Variants in DLG1 observed in about 807,000 individuals in gnomAD.
DLG1 encodes discs large MAGUK scaffold protein 1.
DLG1 carries 42 observed loss-of-function variants against 123.4 expected under a neutral mutation model. The ratio of observed to expected loss-of-function variants is 0.34; its 90% CI spans 0.27 to 0.44. The LOEUF (loss-of-function observed/expected upper bound fraction) is 0.44, where lower values mean the gene tolerates loss of function less well. DLG1 is among the 20% of genes least tolerant of loss of function. The probability of loss-of-function intolerance (pLI) is 1.00; values close to 1 mark genes in which losing one functional copy is unlikely to be tolerated. For missense variants in DLG1, 942 were observed against 1,082.6 expected (o/e 0.87, Z 1.82); for synonymous variants, 317 against 356.2 (o/e 0.89, Z 1.24).
At chr3:197,214,399 C>T (rs2150429655) in intron 4 of DLG1, among the ~76,000 whole-genome samples, 1 of 152,014 alleles carries the variant, frequency 6.6e-6, no homozygotes, top group African/African-American at 2.4e-5. Flanking sequence ...ACGGTGAAAC[C>T]CCGTCTCTAC....
chr3:197,266,368 A>T (rs540815922), intron 4 of DLG1, among the ~76,000 whole-genome samples: 2 of 150,088 alleles, frequency 1.3e-5, no homozygotes, highest in South Asian at 4.6e-4. Context: ...AGAAGGATAG[A>T]GTGTGTTAAT....
Position 197,140,264 on chromosome 3 carries a change from C to T in DLG1, c.589G>A (p.Gly197Arg), listed in dbSNP as rs759277835. 3.1e-6 allele frequency: 5 copies of T among 1,611,758 alleles called. No individual in the cohort carries two copies. Among genetic ancestry groups the T allele is most frequent in the Non-Finnish European group, 3.4e-6 (4 of 1,178,906 alleles). The change falls in exon 8 of 25, where the codon GGA becomes AGA. Residue 197 changes from glycine (G) to arginine (R), a missense_variant and splice_region_variant. Gly to Arg is a moderately radical substitution (Grantham distance 125). Coordinates refer to ENST00000667157, the MANE Select transcript of DLG1 (RefSeq NM_001366207.1). ...YEYEEITLER[G>R]NSGLGFSIAG... is the part of the protein sequence containing the mutation. ...ATGCTGAAACCAAGCCCTGAATTTC[C>T]CTGAGGATAGAAGAAAAAAAATTGA...
intron 4 of DLG1, among the ~76,000 whole-genome samples, chr3:197,248,391 G>A (rs1173522901): frequency 6.6e-6 from 1 of 152,118 alleles, no homozygotes; most frequent in African/African-American, 2.4e-5. Flanking sequence ...ACCACAATGA[G>A]GCAGTGGGAC....
At chr3:197,239,488 C>T (rs972360972) in intron 4 of DLG1, among the ~76,000 whole-genome samples, 16 of 152,032 alleles carry the variant, frequency 1.1e-4, no homozygotes, top group African/African-American at 3.1e-4. Context: ...ATTAAGCCAG[C>T]GCTACCAAAT....
rs575958096 is a variant in DLG1, at chr3:197,221,704, C to T, written c.319-27115G>A. ...TACTTGACAAGTTCTAAAATTAATC[C>T]GACTTCAGTAAAAATACTGCCTGTA... is the stretch of plus-strand genomic sequence containing the variant. On this transcript the variant is annotated intron_variant, in intron 4 of 24. Transcript: ENST00000667157. Among the ~76,000 whole-genome samples the T allele has an allele frequency of 2.1e-4, 32 of 152,232 alleles. 1 individual carries two copies. The highest frequency in any genetic ancestry group is 1.4e-3 in the Admixed American group (21 of 15,288).
intron 5 of DLG1, chr3:197,161,630 TA>T: frequency 7.1e-7 from 1 of 1,402,864 alleles, no homozygotes; most frequent in Non-Finnish European, 9.4e-7. Context: ...AAAAAGAAAC[TA>T]ATAAAAACCT....
In DLG1 at chr3:197,191,562, G is replaced by A. The variant is rs371325943; in HGVS notation, c.483+2863C>T. On this transcript the variant is annotated intron_variant, in intron 5 of 24. Coordinates refer to ENST00000667157, the MANE Select transcript of DLG1 (RefSeq NM_001366207.1). ...TTGGTTTGTAACAATAAGGATGACCGGAAATTCAAAACATCAGAAATAAAA... is the reference window on the plus strand; with the variant it reads ...TTGGTTTGTAACAATAAGGATGACCAGAAATTCAAAACATCAGAAATAAAA... Among the ~76,000 whole-genome samples the A allele has an allele frequency of 3.9e-4, 59 of 152,160 alleles. No individual in the cohort carries two copies. The South Asian group carries it at 0.012, about 30-fold the overall frequency.
chr3:197,142,176 C>T (rs1234962677), intron 7 of DLG1, among the ~76,000 whole-genome samples: 1 of 152,098 alleles, frequency 6.6e-6, no homozygotes, highest in Non-Finnish European at 1.5e-5. Context: ...TAGTATACTA[C>T]TTACTTAATA....
At chr3:197,172,104 A>T (rs1035183693) in intron 5 of DLG1, among the ~76,000 whole-genome samples, 1 of 152,182 alleles carries the variant, frequency 6.6e-6, no homozygotes, top group South Asian at 2.1e-4. Context: ...TCACATATCA[A>T]CATTTTGGTT....
At position 197,059,960 on chromosome 3, in the gene DLG1, T is replaced by C. The variant is rs768680905; in HGVS notation, c.2412A>G (p.Ile804Met). 3.1e-6 allele frequency: 5 copies of C among 1,613,892 alleles called. No homozygotes were observed. The highest frequency in any genetic ancestry group is 3.4e-6 in the Non-Finnish European group (4 of 1,179,908). Residue 804 changes from isoleucine to methionine, a missense_variant, in exon 23 of 25, where the codon ATA (isoleucine) becomes ATG (methionine). Coordinates refer to ENST00000667157, the MANE Select transcript of DLG1 (RefSeq NM_001366207.1). Reference protein sequence around the residue: ...HCILDVSGNAIKRLQIAQLYP... With the variant: ...HCILDVSGNAMKRLQIAQLYP... ...AAAGCTGTGCAATCTGTAATCTCTTTATGGCATTTCCAGACACATCAAGGA... is the reference window on the plus strand; with the variant it reads ...AAAGCTGTGCAATCTGTAATCTCTTCATGGCATTTCCAGACACATCAAGGA...
intron 4 of DLG1, among the ~76,000 whole-genome samples, chr3:197,210,805 A>T (rs1730919398): frequency 6.9e-6 from 1 of 145,284 alleles, no homozygotes; most frequent in Non-Finnish European, 1.5e-5. Flanking sequence ...AAATAGAGTG[A>T]ACATCTCCCA....
intron 4 of DLG1, among the ~76,000 whole-genome samples, chr3:197,225,571 TA>T (rs2150551224): frequency 6.6e-6 from 1 of 152,354 alleles, no homozygotes; most frequent in East Asian, 1.9e-4. Context: ...GTGTTTCCTG[TA>T]CACTTAATTC....
intron 5 of DLG1, among the ~76,000 whole-genome samples, chr3:197,172,006 C>T (rs996008531): frequency 6.6e-6 from 1 of 152,098 alleles, no homozygotes; most frequent in African/African-American, 2.4e-5. Context: ...CTCAAGTTGC[C>T]TTCTTCTATT....
chr3:197,114,809 C>T (rs895156584), intron 13 of DLG1, among the ~76,000 whole-genome samples: 24 of 151,814 alleles, frequency 1.6e-4, no homozygotes, highest in African/African-American at 5.3e-4. Flanking sequence ...GGTGAAACCC[C>T]GTCTCTAAAA....
intron 14 of DLG1, among the ~76,000 whole-genome samples, chr3:197,100,803 C>A (rs931929320): frequency 6.6e-6 from 1 of 152,160 alleles, no homozygotes; most frequent in East Asian, 1.9e-4. Flanking sequence ...GTGCAGCTTC[C>A]GAGAAATGAA....
chr3:197,168,294 C>T (rs1802407870), intron 5 of DLG1, among the ~76,000 whole-genome samples: 1 of 152,210 alleles, frequency 6.6e-6, no homozygotes, highest in Admixed American at 6.5e-5. Context: ...AAGGCCAACA[C>T]CGCTGAGAAA....
chr3:197,225,591 A>G (rs1378814341), intron 4 of DLG1, among the ~76,000 whole-genome samples: 4 of 152,230 alleles, frequency 2.6e-5, no homozygotes, highest in Non-Finnish European at 5.9e-5. Context: ...TCTCCACAGT[A>G]GCAACACATA....
At chr3:197,047,126 G>C (rs1414433079) in intron 24 of DLG1, among the ~76,000 whole-genome samples, 1 of 152,096 alleles carries the variant, frequency 6.6e-6, no homozygotes, top group African/African-American at 2.4e-5. Context: ...TAGAAGAATA[G>C]TGAAATACTA....
chr3:197,068,146 G>A (rs1444638768), intron 19 of DLG1, among the ~76,000 whole-genome samples: 1 of 152,098 alleles, frequency 6.6e-6, no homozygotes, highest in Non-Finnish European at 1.5e-5. Context: ...TATTATCAAA[G>A]TACATAAGAC....
Sources: allele counts gnomAD v4.1 joint callset (sites outside exome capture counted in the v4.1 genomes callset), GRCh38; gene constraint gnomAD v4.1.1; transcripts MANE v1.5; gene names NCBI Gene and HGNC (gene_info 2026-07-23, HGNC 2026-07-21).